Variants in ENTREP2 observed in about 807,000 individuals in gnomAD.
ENTREP2 encodes the protein protein ENTREP2.
At chr15:29,120,042 C>T in the ENTREP2 span, among the ~76,000 whole-genome samples, 20 of 152,262 alleles carry the variant, frequency 1.3e-4, no homozygotes, top group Admixed American at 1.3e-3. Context: ...CCAGCGTGGA[C>T]GGGCGTGGGT....
At chr15:29,405,638 C>T in the ENTREP2 span, among the ~76,000 whole-genome samples, 1 of 152,346 alleles carries the variant, frequency 6.6e-6, no homozygotes, top group Middle Eastern at 3.4e-3. Context: ...ACGGCACCAG[C>T]ACCCCACAGT....
At chr15:29,242,008 C>T in the ENTREP2 span, among the ~76,000 whole-genome samples, 1 of 152,202 alleles carries the variant, frequency 6.6e-6, no homozygotes, top group South Asian at 2.1e-4. Context: ...TGCACCACTG[C>T]ACTCCAGCCT....
chr15:29,402,316 GTGTATA>G, the ENTREP2 span, among the ~76,000 whole-genome samples: 10 of 140,274 alleles, frequency 7.1e-5, no homozygotes, highest in Admixed American at 2.1e-4. Context: ...GTGTGTGTGT[GTGTATA>G]TATGTATATT....
chr15:29,124,874 G>GCTTCT, the ENTREP2 span: 3 of 936,652 alleles, frequency 3.2e-6, no homozygotes, highest in Non-Finnish European at 4.9e-6. Context: ...AGCAGGAGAA[G>GCTTCT]CCTGCTGAGC....
the ENTREP2 span, among the ~76,000 whole-genome samples, chr15:29,623,924 C>T: frequency 6.6e-6 from 1 of 152,030 alleles, no homozygotes; most frequent in African/African-American, 2.4e-5. Flanking sequence ...TTAGTAGAGA[C>T]GGTTTCATCA....
the ENTREP2 span, among the ~76,000 whole-genome samples, chr15:29,169,916 AC>A: frequency 6.6e-6 from 1 of 152,208 alleles, no homozygotes; most frequent in Non-Finnish European, 1.5e-5. Flanking sequence ...AGGAAGAAAA[AC>A]TGTCCAAGAT....
At chr15:29,344,194 G>C in the ENTREP2 span, among the ~76,000 whole-genome samples, 1 of 152,214 alleles carries the variant, frequency 6.6e-6, no homozygotes, top group Non-Finnish European at 1.5e-5. Context: ...TGTGGCTGGG[G>C]AGACTTTCCA....
chr15:29,347,133 AAAG>A, the ENTREP2 span, among the ~76,000 whole-genome samples: 1 of 152,144 alleles, frequency 6.6e-6, no homozygotes, highest in Non-Finnish European at 1.5e-5. Context: ...GTTTCTTCTA[AAAG>A]AAGGAACCAT....
the ENTREP2 span, among the ~76,000 whole-genome samples, chr15:29,642,990 A>G: frequency 0.047 from 7,107 of 152,228 alleles, 512 homozygotes; most frequent in African/African-American, 0.16. Context: ...CCCCTACCTC[A>G]TTCCACATGC....
the ENTREP2 span, among the ~76,000 whole-genome samples, chr15:29,261,901 CTAAG>C: frequency 6.2e-5 from 9 of 145,304 alleles, no homozygotes; most frequent in African/African-American, 2.3e-4. Context: ...AATCAATTGA[CTAAG>C]TATCTACTCC....
chr15:29,260,639 T>C, the ENTREP2 span, among the ~76,000 whole-genome samples: 3,563 of 152,298 alleles, frequency 0.023, 151 homozygotes, highest in African/African-American at 0.082. Context: ...ATGGCATTTG[T>C]TTCTAAGTAA....
the ENTREP2 span, among the ~76,000 whole-genome samples, chr15:29,494,203 G>GAA: frequency 0.04 from 5,862 of 147,606 alleles, 365 homozygotes; most frequent in African/African-American, 0.13. Context: ...AAGACTATAG[G>GAA]AAAAAAAAAA....
chr15:29,538,567 G>A, the ENTREP2 span, among the ~76,000 whole-genome samples: 1 of 151,154 alleles, frequency 6.6e-6, no homozygotes, highest in African/African-American at 2.4e-5. Context: ...GGCTGAGGCG[G>A]GCAGATCACA....
chr15:29,533,936 T>C, the ENTREP2 span, among the ~76,000 whole-genome samples: 3 of 151,558 alleles, frequency 2.0e-5, no homozygotes, highest in African/African-American at 4.8e-5. Context: ...ATCTATTCCA[T>C]TGTGAAATGC....
At chr15:29,361,953 A>G in the ENTREP2 span, among the ~76,000 whole-genome samples, 3 of 152,218 alleles carry the variant, frequency 2.0e-5, no homozygotes, top group Non-Finnish European at 4.4e-5. Flanking sequence ...TAATCAAGAA[A>G]TGTATCATGG....
At chr15:29,212,429 G>C in the ENTREP2 span, among the ~76,000 whole-genome samples, 161 of 152,114 alleles carry the variant, frequency 1.1e-3, 5 homozygotes, top group East Asian at 0.027. Flanking sequence ...CAAAGAACCG[G>C]CTTTTTGTTT....
chr15:29,397,518 C>G, the ENTREP2 span, among the ~76,000 whole-genome samples: 1 of 152,288 alleles, frequency 6.6e-6, no homozygotes, highest in Middle Eastern at 3.4e-3. Flanking sequence ...CAGTGGTCCT[C>G]ACTTACAGGG....
the ENTREP2 span, among the ~76,000 whole-genome samples, chr15:29,590,132 T>C: frequency 6.6e-6 from 1 of 152,106 alleles, no homozygotes; most frequent in Non-Finnish European, 1.5e-5. Context: ...TGAAGAGATA[T>C]GGTGTTGGAA....
chr15:29,655,581 C>A, the ENTREP2 span, among the ~76,000 whole-genome samples: 7 of 152,226 alleles, frequency 4.6e-5, no homozygotes. Context: ...GATGTTGGAA[C>A]TGTCAGACAG....
Sources: gnomAD v4.1 joint callset for allele counts (sites outside exome capture counted in the v4.1 genomes callset) on GRCh38, gnomAD v4.1.1 for gene constraint, MANE v1.5 for transcripts, NCBI Gene and HGNC (gene_info 2026-07-23, HGNC 2026-07-21) for gene names.